The following TLCD3B variants were observed in gnomAD, a reference collection of about 807,000 sequenced individuals.
The protein encoded by TLCD3B is ceramide synthase.
In TLCD3B, 9 loss-of-function variants were observed where a neutral mutation model predicts 23.0. The ratio of observed to expected loss-of-function variants is 0.39; its 90% confidence interval spans 0.24 to 0.68. The LOEUF (loss-of-function observed/expected upper bound fraction) is 0.68, where lower values mean the gene tolerates loss of function less well. Among genes scored for constraint, TLCD3B ranks in the 30% least tolerant of loss-of-function variants. The pLI is 0.44. For synonymous variants in TLCD3B, 161 were observed against 161.0 expected (o/e 1.00, Z 0.00); for missense variants, 307 against 371.8 (o/e 0.83, Z 1.43).
intron 1 of TLCD3B, among the ~76,000 whole-genome samples, chr16:30,051,521 CAAAAAA>C (rs199594296): frequency 3.2e-5 from 2 of 62,856 alleles, no homozygotes; most frequent in African/African-American, 9.7e-5. Context: ...AACTCCGTTT[CAAAAAA>C]AAAAAAAAAA....
intron 2 of TLCD3B, among the ~76,000 whole-genome samples, chr16:30,028,713 G>A (rs2071251589): frequency 6.6e-6 from 1 of 152,198 alleles, no homozygotes; most frequent in East Asian, 1.9e-4. Flanking sequence ...CTGGGACTCA[G>A]TGGCTGCCAC....
intron 3 of TLCD3B, among the ~76,000 whole-genome samples, chr16:30,040,615 G>A (rs1470135422): frequency 3.3e-5 from 5 of 151,876 alleles, no homozygotes; most frequent in Non-Finnish European, 7.4e-5. Context: ...AGAGGCAGAA[G>A]GAGTGAGGAG....
In TLCD3B at chr16:30,027,069, T is replaced by C. The variant is rs529580148; in HGVS notation, c.210-226A>G. The C allele has an allele frequency of 6.5e-4, 426 of 658,266 alleles. 1 individual carries two copies. Among genetic ancestry groups the C allele is most frequent in the African/African-American group, 6.1e-3 (342 of 56,388 alleles). 40.8% of individuals were successfully genotyped at this position (658,266 alleles called of 1,614,324 possible). ...AACCTGTGGTCTCAGAACTCACCCATGTTCCTCTCTCTCTGCAGTATAGTC... is the reference window on the plus strand; with the variant it reads ...AACCTGTGGTCTCAGAACTCACCCACGTTCCTCTCTCTCTGCAGTATAGTC... On this transcript the variant is annotated intron_variant, in intron 2 of 4. Coordinates refer to ENST00000380495, the MANE Select transcript of TLCD3B (RefSeq NM_031478.6).
At chr16:30,027,816 G>T (rs977385111) in intron 2 of TLCD3B, 2 of 372,088 alleles carry the variant, frequency 5.4e-6, no homozygotes, top group African/African-American at 2.1e-5. Context: ...CAGGACCTGG[G>T]GTGCTCGCCC....
intron 2 of TLCD3B, among the ~76,000 whole-genome samples, chr16:30,028,016 G>A (rs2071223583): frequency 6.6e-6 from 1 of 152,240 alleles, no homozygotes; most frequent in Non-Finnish European, 1.5e-5. Flanking sequence ...CCTGAGACTG[G>A]TGCAGTGGTG....
Position 30,025,505 on chromosome 16 carries a change from G to C in TLCD3B, c.541-38C>G. On this transcript the variant is annotated intron_variant, in intron 4 of 4. Transcript: ENST00000380495. This position sits in a 1 kb window ranked among gnomAD's most constrained non-coding sequence, Gnocchi z 4.1. ...AGACACAGTGGCCACGGCAGCAGAA[G>C]GGCTCGGCCCCCCTTGGCCCTCTCC... 6.2e-7 allele frequency: 1 copy of C among 1,606,892 alleles called. No individual in the cohort carries two copies. The highest frequency in any genetic ancestry group is 8.5e-7 in the Non-Finnish European group (1 of 1,177,138).
intron 1 of TLCD3B, among the ~76,000 whole-genome samples, chr16:30,049,480 T>C (rs1193772633): frequency 6.6e-6 from 1 of 152,210 alleles, no homozygotes; most frequent in African/African-American, 2.4e-5. Context: ...TATACAATCC[T>C]GTCTGCCCTT....
chr16:30,044,517 G>A (rs996648179), intron 2 of TLCD3B, among the ~76,000 whole-genome samples: 1 of 151,922 alleles, frequency 6.6e-6, no homozygotes, highest in Non-Finnish European at 1.5e-5. Flanking sequence ...TCAACCTGTT[G>A]CCCAGGCTGG....
rs1328560554 is a variant in TLCD3B, at chr16:30,025,920, T to C, written c.445-99A>G. On this transcript the variant is annotated intron_variant, in intron 3 of 4. Coordinates refer to ENST00000380495, the MANE Select transcript of TLCD3B (RefSeq NM_031478.6). The surrounding 1 kb of genome is among the most constrained non-coding windows in gnomAD (Gnocchi z 4.1). ...TCCCCTCTGTCACTTTGGGAGATGC[T>C]TGACTCTGAACATCAGAACACCTGG... The C allele has an allele frequency of 1.2e-5, 11 of 924,096 alleles. No individual in the cohort carries two copies. The highest frequency in any genetic ancestry group is 1.1e-4 in the Admixed American group (6 of 52,216). 57.2% of individuals were successfully genotyped at this position (924,096 alleles called of 1,614,324 possible). A position where few individuals can be genotyped will look rare whatever the true frequency, so the allele number is the denominator to read the frequency against.
chr16:30,047,246 C>A (rs2071688500), intron 1 of TLCD3B, among the ~76,000 whole-genome samples: 1 of 152,170 alleles, frequency 6.6e-6, no homozygotes, highest in African/African-American at 2.4e-5. Context: ...AAGCAATCTT[C>A]CCACCTCAGC....
chr16:30,045,351 T>G (rs201815974), intron 2 of TLCD3B, among the ~76,000 whole-genome samples: 2 of 130,864 alleles, frequency 1.5e-5, no homozygotes, highest in East Asian at 3.0e-4. Context: ...TTTGTGTGTG[T>G]GGTGTGTGTG....
chr16:30,025,974 C>T lies in TLCD3B; in HGVS notation c.445-153G>A, dbSNP rs1028785179. Reference sequence around the variant, plus strand: ...CAGGGCTGGGTGCAGTGGCTCACGCCGGTAATCCCAGCACTTTGGGAGGCT... The same window carrying T: ...CAGGGCTGGGTGCAGTGGCTCACGCTGGTAATCCCAGCACTTTGGGAGGCT... On this transcript the variant is annotated intron_variant, in intron 3 of 4. Coordinates refer to ENST00000380495, the MANE Select transcript of TLCD3B (RefSeq NM_031478.6). This position sits in a 1 kb window ranked among gnomAD's most constrained non-coding sequence, Gnocchi z 4.1. 1.3e-5 allele frequency among the ~76,000 whole-genome samples: 2 copies of T among 152,164 alleles called. No individual in the cohort carries two copies. The highest frequency in any genetic ancestry group is 2.9e-5 in the Non-Finnish European group (2 of 68,032).
chr16:30,036,703 A>C (rs1462777370), intron 3 of TLCD3B, among the ~76,000 whole-genome samples: 1 of 152,090 alleles, frequency 6.6e-6, no homozygotes, highest in African/African-American at 2.4e-5. Flanking sequence ...CCTTGCCTAG[A>C]ATTGGCCAAT....
intron 3 of TLCD3B, among the ~76,000 whole-genome samples, chr16:30,037,605 G>A (rs1386589887): frequency 2.0e-5 from 3 of 151,660 alleles, no homozygotes; most frequent in Non-Finnish European, 2.9e-5. Context: ...ACATATACCT[G>A]TGGTCCCAGG....
intron 3 of TLCD3B, among the ~76,000 whole-genome samples, chr16:30,039,482 G>T (rs2071539924): frequency 1.3e-5 from 2 of 151,772 alleles, no homozygotes; most frequent in African/African-American, 4.8e-5. Context: ...GAATGCAATG[G>T]CATGATCCTA....
rs1031319059 is a variant in TLCD3B at position 30,029,714 on chromosome 16, G to C, written c.126-199C>G. 6.6e-6 allele frequency among the ~76,000 whole-genome samples: 1 copy of C among 152,214 alleles called. No individual in the cohort carries two copies. The highest frequency in any genetic ancestry group is 1.5e-5 in the Non-Finnish European group (1 of 68,018). On this transcript the variant is annotated intron_variant, in intron 1 of 4. Coordinates refer to ENST00000380495, the MANE Select transcript of TLCD3B (RefSeq NM_031478.6). The surrounding 1 kb of genome is among the most constrained non-coding windows in gnomAD (Gnocchi z 4.6). The stretch of plus-strand genomic sequence containing the variant: ...TCACGGCTCTCCGGCCCGCTCGGCT[G>C]CTGTTCCTCAGTCCACCCCACTCCT...
In TLCD3B at chr16:30,031,185, G is replaced by A. The variant is rs2071348249; in HGVS notation, c.-658C>T. On this transcript the variant is annotated 5_prime_UTR_variant, in exon 1 of 5. Transcript: ENST00000380495. Reference sequence around the variant, plus strand: ...AGGGGGAGGGGAAGTGGCCAGCTTGGGGAGGACGGGGGAGGGGCAGGAAAA... The same window carrying A: ...AGGGGGAGGGGAAGTGGCCAGCTTGAGGAGGACGGGGGAGGGGCAGGAAAA... 1 of 152,390 alleles carries A rather than the reference G, an allele frequency of 6.6e-6. No individual in the cohort carries two copies. The highest frequency in any genetic ancestry group is 1.5e-5 in the Non-Finnish European group (1 of 68,392). The allele number at this position is 152,390 out of a possible 1,614,324, so 9.4% of individuals were successfully genotyped here. A position where few individuals can be genotyped will look rare whatever the true frequency, so the allele number is the denominator to read the frequency against.
intron 3 of TLCD3B, among the ~76,000 whole-genome samples, chr16:30,026,170 G>A (rs2071124964): frequency 6.6e-6 from 1 of 150,698 alleles, no homozygotes; most frequent in South Asian, 2.1e-4. Context: ...AGGAGGCGGA[G>A]GTTTCAGTGA....
At chr16:30,027,142 A>G (rs995165835) in intron 2 of TLCD3B, 1 of 515,458 alleles carries the variant, frequency 1.9e-6, no homozygotes, top group African/African-American at 1.9e-5. Context: ...AAAGGCACAG[A>G]TACAGTGCCA....
Sources: gnomAD v4.1 joint callset for allele counts (sites outside exome capture counted in the v4.1 genomes callset) on GRCh38, gnomAD v4.1.1 for gene constraint, Gnocchi (gnomAD v3.1) non-coding constraint, MANE v1.5 for transcripts, NCBI Gene and HGNC (gene_info 2026-07-23, HGNC 2026-07-21) for gene names.